The following AKT3 variants were observed in gnomAD, a reference collection of about 807,000 sequenced individuals.
AKT3 encodes RAC-gamma serine/threonine-protein kinase.
AKT3 carries 15 observed loss-of-function variants against 65.3 expected under a neutral mutation model. The observed-to-expected ratio is 0.23, with a 90% CI of 0.15 to 0.35. The LOEUF (loss-of-function observed/expected upper bound fraction) is 0.35. Ranked by LOEUF, AKT3 falls within the 10% of genes least tolerant of loss-of-function variation. The pLI is 1.00. For synonymous variants in AKT3, 206 were observed against 183.8 expected (o/e 1.12, Z -0.98); for missense variants, 243 against 576.5 (o/e 0.42, Z 5.92).
chr1:243,574,976 A>G (rs912939735), intron 8 of AKT3, among the ~76,000 whole-genome samples: 8 of 152,168 alleles, frequency 5.3e-5, no homozygotes, highest in Non-Finnish European at 1.2e-4. Flanking sequence ...TGTATCTTCA[A>G]TGTGTCTGCC....
intron 2 of AKT3, among the ~76,000 whole-genome samples, chr1:243,709,862 A>G (rs1433345922): frequency 2.0e-5 from 3 of 152,108 alleles, no homozygotes; most frequent in African/African-American, 2.4e-5. Context: ...TCTCAAGCAA[A>G]TAAGTGACTT....
At chr1:243,545,445 T>C in intron 12 of AKT3, 65 bp downstream of exon 12, 2 of 880,108 alleles carry the variant, frequency 2.3e-6, no homozygotes, top group Non-Finnish European at 3.7e-6. Flanking sequence ...AAAATATTTT[T>C]GCTATAAATT....
At chr1:243,506,689 T>C (rs1205038756) in intron 13 of AKT3, among the ~76,000 whole-genome samples, 5 of 152,224 alleles carry the variant, frequency 3.3e-5, no homozygotes, top group Non-Finnish European at 7.3e-5. Context: ...TGAGAACTGA[T>C]CCATCAAGAA....
rs1271809739 is a variant in AKT3 at position 243,726,771 on chromosome 1, T to G, written c.47-31055A>C. Among the ~76,000 whole-genome samples, 9 of 151,980 alleles carry G rather than the reference T, an allele frequency of 5.9e-5. 1 individual carries two copies. Among genetic ancestry groups the G allele is most frequent in the Non-Finnish European group, 1.3e-4 (9 of 68,046 alleles). ...TTATGTTTTTATTTTTCTTGCTTTT[T>G]CTTGCAAGCCAGGGCATCCTCATGA... On this transcript the variant is annotated intron_variant, in intron 2 of 13. Coordinates refer to ENST00000673466, the MANE Select transcript of AKT3 (RefSeq NM_005465.7).
chr1:243,527,900 C>CAAGCAAGACTCCATCTCTTAAA (rs1558590050), intron 12 of AKT3, among the ~76,000 whole-genome samples: 3 of 102,258 alleles, frequency 2.9e-5, no homozygotes, highest in African/African-American at 1.4e-4. Context: ...CACACACACA[C>CAAGCAAGACTCCATCTCTTAAA]ACACACACAC....
At chr1:243,831,896 T>C (rs1256178036) in intron 2 of AKT3, among the ~76,000 whole-genome samples, 11 of 151,546 alleles carry the variant, frequency 7.3e-5, no homozygotes. Flanking sequence ...GTATCTAAGA[T>C]CAGCAAAAAA....
At chr1:243,660,051 A>G (rs1340631377) in intron 4 of AKT3, among the ~76,000 whole-genome samples, 2 of 152,040 alleles carry the variant, frequency 1.3e-5, no homozygotes, top group African/African-American at 4.8e-5. Context: ...TTTCAGAAGG[A>G]ATGGTACCAG....
At chr1:243,675,213 T>C (rs914027332) in intron 3 of AKT3, among the ~76,000 whole-genome samples, 1 of 152,234 alleles carries the variant, frequency 6.6e-6, no homozygotes, top group African/African-American at 2.4e-5. Context: ...AGTCACTTTT[T>C]TTTTGAGATG....
chr1:243,637,154 C>T (rs1680034527), intron 6 of AKT3, among the ~76,000 whole-genome samples: 1 of 151,932 alleles, frequency 6.6e-6, no homozygotes, highest in South Asian at 2.1e-4. Context: ...AGTAAGTCTT[C>T]CTAAAATAAT....
In AKT3 at chr1:243,843,230, G is replaced by T; in HGVS notation, c.-60C>A. On this transcript the variant is annotated 5_prime_UTR_variant, in exon 2 of 14. Coordinates refer to ENST00000673466, the MANE Select transcript of AKT3 (RefSeq NM_005465.7). ...TGGTACTTTGTGATATCAGCTTTAGGGTTTGGATTCTCTGCTGCTGCTGCC... is the reference window on the plus strand; with the variant it reads ...TGGTACTTTGTGATATCAGCTTTAGTGTTTGGATTCTCTGCTGCTGCTGCC... 1 of 1,577,974 alleles carries T rather than the reference G, an allele frequency of 6.3e-7. No individual in the cohort carries two copies. The highest frequency in any genetic ancestry group is 8.6e-7 in the Non-Finnish European group (1 of 1,157,766).
chr1:243,798,393 A>ATTTTTTTTTTTTTTTTTTTTTTTTTTTT (rs759264137), intron 2 of AKT3, among the ~76,000 whole-genome samples: 5 of 83,310 alleles, frequency 6.0e-5, no homozygotes, highest in African/African-American at 9.6e-5. Context: ...CTAATTTTTA[A>ATTTTTTTTTTTTTTTTTTTTTTTTTTTT]TTTTTTTTTT....
At chr1:243,542,835 T>G (rs867261656) in intron 12 of AKT3, among the ~76,000 whole-genome samples, 6 of 152,116 alleles carry the variant, frequency 3.9e-5, no homozygotes, top group South Asian at 2.1e-4. Context: ...AACTCAAATT[T>G]AAAAGTGCTG....
At chr1:243,744,189 A>T (rs1179089433) in intron 2 of AKT3, among the ~76,000 whole-genome samples, 1 of 152,224 alleles carries the variant, frequency 6.6e-6, no homozygotes, top group African/African-American at 2.4e-5. Context: ...CTCACAAATA[A>T]AATTTTGAAA....
intron 4 of AKT3, among the ~76,000 whole-genome samples, chr1:243,656,789 G>C (rs1035858766): frequency 4.6e-5 from 7 of 152,204 alleles, no homozygotes; most frequent in Admixed American, 6.5e-5. Context: ...GAGTGTCGTG[G>C]CCATGGTTGT....
At position 243,715,996 on chromosome 1, in the gene AKT3, T is replaced by A. The variant is rs1686490881; in HGVS notation, c.47-20280A>T. ...ATCAAAAGTTTTTCTTAGTTAAGTC[T>A]GTCAACAATTTCTGAACTACCTGAA... On this transcript the variant is annotated intron_variant, in intron 2 of 13. Transcript: ENST00000673466. Among the ~76,000 whole-genome samples the A allele has an allele frequency of 2.0e-5, 3 of 152,150 alleles. No homozygotes were observed. The South Asian group carries it at 6.2e-4, about 31-fold the overall frequency.
chr1:243,494,087 A>C (rs897104891), intron 13 of AKT3, among the ~76,000 whole-genome samples: 4 of 152,310 alleles, frequency 2.6e-5, no homozygotes, highest in East Asian at 1.9e-4. Flanking sequence ...GCTACCTGTA[A>C]GACAGATGGC....
At chr1:243,740,581 A>C (rs1004444296) in intron 2 of AKT3, 1 of 152,226 alleles carries the variant, frequency 6.6e-6, no homozygotes, top group African/African-American at 2.4e-5. Flanking sequence ...TTCTAAATAA[A>C]GTTTTATTGG....
chr1:243,573,912 T>G (rs1674739282), intron 8 of AKT3, among the ~76,000 whole-genome samples: 1 of 152,104 alleles, frequency 6.6e-6, no homozygotes, highest in Non-Finnish European at 1.5e-5. Context: ...ACAACATACA[T>G]GAAGAAAGAG....
At chr1:243,506,645 C>T (rs1558574474) in intron 13 of AKT3, among the ~76,000 whole-genome samples, 1 of 152,230 alleles carries the variant, frequency 6.6e-6, no homozygotes, top group South Asian at 2.1e-4. Context: ...AAATTTCTGA[C>T]CCCTAATGTA....
Sources: allele counts gnomAD v4.1 joint callset (sites outside exome capture counted in the v4.1 genomes callset), GRCh38; gene constraint gnomAD v4.1.1; transcripts MANE v1.5; gene names NCBI Gene and HGNC (gene_info 2026-07-23, HGNC 2026-07-21).